The following EPS15L1 variants were observed in gnomAD, a reference collection of about 807,000 sequenced individuals.
The protein encoded by EPS15L1 is epidermal growth factor receptor substrate 15-like 1.
In EPS15L1, 43 loss-of-function variants were observed where a neutral mutation model predicts 117.1. That is an observed-to-expected ratio of 0.37 (90% CI 0.29 to 0.47). EPS15L1 has a LOEUF of 0.47. Ranked by LOEUF, EPS15L1 falls within the 20% of genes least tolerant of loss-of-function variation. The pLI, the probability that EPS15L1 is intolerant of heterozygous loss-of-function variation, is 0.99. For synonymous variants in EPS15L1, 459 were observed against 470.5 expected (o/e 0.98, Z 0.32); for missense variants, 981 against 1,164.0 (o/e 0.84, Z 2.29).
intron 22 of EPS15L1, among the ~76,000 whole-genome samples, chr19:16,364,997 C>T (rs1252548058): frequency 6.6e-6 from 1 of 152,240 alleles, no homozygotes; most frequent in African/African-American, 2.4e-5. Flanking sequence ...GTCCAGGTGG[C>T]ACCTCCTTCC....
At chr19:16,431,673 CAG>C (rs1436225212) in intron 7 of EPS15L1, among the ~76,000 whole-genome samples, 8 of 152,240 alleles carry the variant, frequency 5.3e-5, no homozygotes, top group South Asian at 2.1e-4. Flanking sequence ...TCATATCTTT[CAG>C]AGTCTTCCAG....
At chr19:16,451,767 G>A (rs1001745479) in intron 1 of EPS15L1, among the ~76,000 whole-genome samples, 1 of 150,828 alleles carries the variant, frequency 6.6e-6, no homozygotes, top group Non-Finnish European at 1.5e-5. Context: ...CTGACCTCGT[G>A]ATCCACCCGC....
At chr19:16,373,665 C>T (rs555120950) in intron 22 of EPS15L1, among the ~76,000 whole-genome samples, 3 of 152,098 alleles carry the variant, frequency 2.0e-5, no homozygotes, top group African/African-American at 7.2e-5. Context: ...GGGTCTGTGC[C>T]GTGTGGCCAG....
At chr19:16,470,064 G>A (rs917670384) in intron 1 of EPS15L1, among the ~76,000 whole-genome samples, 8 of 152,154 alleles carry the variant, frequency 5.3e-5, no homozygotes, top group Non-Finnish European at 1.2e-4. Context: ...AATGTATAGG[G>A]AAAGGAACAG....
intron 22 of EPS15L1, among the ~76,000 whole-genome samples, chr19:16,367,364 A>G (rs894807484): frequency 6.6e-6 from 1 of 151,920 alleles, no homozygotes; most frequent in Non-Finnish European, 1.5e-5. Context: ...AAGACTGAAG[A>G]AAACACAAAA....
At chr19:16,402,557 T>TA in intron 15 of EPS15L1, 72 bp from the exon 16 acceptor site, 2 of 1,214,116 alleles carry the variant, frequency 1.6e-6, no homozygotes, top group Non-Finnish European at 2.3e-6. Context: ...TTTTTTTTTT[T>TA]AAAACACAGG....
intron 1 of EPS15L1, among the ~76,000 whole-genome samples, chr19:16,454,016 C>A (rs1171173621): frequency 6.6e-6 from 1 of 152,082 alleles, no homozygotes; most frequent in Non-Finnish European, 1.5e-5. Context: ...TGAAACAATA[C>A]AAACTGGCAT....
At chr19:16,466,486 G>A (rs540471828) in intron 1 of EPS15L1, among the ~76,000 whole-genome samples, 2 of 152,164 alleles carry the variant, frequency 1.3e-5, no homozygotes, top group African/African-American at 4.8e-5. Context: ...CCCTCCCAAC[G>A]ATGTCAGCCC....
At position 16,404,205 on chromosome 19, in the gene EPS15L1, C is replaced by T. The variant is rs1392194846; in HGVS notation, c.1429-275G>A. Among the ~76,000 whole-genome samples the T allele has an allele frequency of 1.3e-5, 2 of 152,116 alleles. No homozygotes were observed. The highest frequency in any genetic ancestry group is 2.9e-5 in the Non-Finnish European group (2 of 68,028). Reference sequence around the variant, plus strand: ...CCAAGCACGAACAATCTGTCCATCCCCCCAGAGGCTGAACGTCATAGAGTT... The same window carrying T: ...CCAAGCACGAACAATCTGTCCATCCTCCCAGAGGCTGAACGTCATAGAGTT... On this transcript the variant is annotated intron_variant, in intron 14 of 23. Transcript: ENST00000455140. The surrounding 1 kb of genome is among the most constrained non-coding windows in gnomAD (Gnocchi z 4.2).
intron 21 of EPS15L1, among the ~76,000 whole-genome samples, chr19:16,379,299 A>G (rs2092334034): frequency 6.6e-6 from 1 of 152,064 alleles, no homozygotes; most frequent in Admixed American, 6.6e-5. Flanking sequence ...GCGAGACTCC[A>G]TCTCAAAAAA....
In EPS15L1 at chr19:16,361,998, G is replaced by A. The variant is rs775238079; in HGVS notation, c.2381-14C>T. On this transcript the variant is annotated splice_polypyrimidine_tract_variant and intron_variant, in intron 22 of 23. Transcript: ENST00000455140. The stretch of plus-strand genomic sequence containing the variant: ...GTGTACTTTTACCTGGAAAGTTTAG[G>A]AGAAAAAAAAAAGGAGAAAGAAAGA... The A allele has an allele frequency of 4.5e-6, 7 of 1,568,740 alleles. No homozygotes were observed. The highest frequency in any genetic ancestry group is 2.0e-5 in the Admixed American group (1 of 50,018).
At chr19:16,436,874 A>G in intron 6 of EPS15L1, 63 bp downstream of exon 6, 1 of 1,319,108 alleles carries the variant, frequency 7.6e-7, no homozygotes, top group Non-Finnish European at 1.1e-6. Context: ...CAATTCTAGA[A>G]CAACTGCTGG....
intron 1 of EPS15L1, among the ~76,000 whole-genome samples, chr19:16,457,447 G>A (rs2093208427): frequency 6.6e-6 from 1 of 152,168 alleles, no homozygotes; most frequent in Non-Finnish European, 1.5e-5. Context: ...TCAGTCAAGC[G>A]AGGCTGTGGA....
chr19:16,363,114 G>T, intron 22 of EPS15L1, among the ~76,000 whole-genome samples: 1 of 152,088 alleles, frequency 6.6e-6, no homozygotes. Context: ...CCCACCTGAC[G>T]GGCCTTCCAG....
intron 23 of EPS15L1, chr19:16,358,102 T>C (rs2092006536): frequency 6.5e-6 from 1 of 152,690 alleles, no homozygotes; most frequent in East Asian, 1.9e-4. Flanking sequence ...GCCTGCTGGG[T>C]CTGAACCACA....
At chr19:16,441,655 C>T in intron 3 of EPS15L1, 1 of 316,348 alleles carries the variant, frequency 3.2e-6, no homozygotes, top group Admixed American at 5.0e-5. Context: ...AAAAAAAGTC[C>T]ACAAGCTATC....
chr19:16,400,413 A>G (rs997083844), intron 16 of EPS15L1, among the ~76,000 whole-genome samples: 1 of 151,920 alleles, frequency 6.6e-6, no homozygotes, highest in African/African-American at 2.4e-5. Context: ...TGAGCTTCAC[A>G]TGGAATTTAG....
intron 8 of EPS15L1, among the ~76,000 whole-genome samples, chr19:16,427,662 C>T (rs745762667): frequency 3.3e-5 from 5 of 152,068 alleles, no homozygotes; most frequent in African/African-American, 7.3e-5. Flanking sequence ...GAGGCAGAGG[C>T]GGGCAGATCA....
intron 16 of EPS15L1, among the ~76,000 whole-genome samples, chr19:16,398,022 G>A (rs1201850132): frequency 6.6e-6 from 1 of 152,056 alleles, no homozygotes; most frequent in African/African-American, 2.4e-5. Flanking sequence ...AAAAAGCCGG[G>A]GCGTCCACAA....
Sources: gnomAD v4.1 joint callset for allele counts (sites outside exome capture counted in the v4.1 genomes callset) on GRCh38, gnomAD v4.1.1 for gene constraint, Gnocchi (gnomAD v3.1) non-coding constraint, MANE v1.5 for transcripts, NCBI Gene and HGNC (gene_info 2026-07-23, HGNC 2026-07-21) for gene names.